ZNG1F: variants seen among roughly 807,000 people sequenced by gnomAD.
ZNG1F encodes zinc-regulated GTPase metalloprotein activator 1F.
At chr9:41,154,699 C>T in the ZNG1F span, among the ~76,000 whole-genome samples, 27 of 148,940 alleles carry the variant, frequency 1.8e-4, 2 homozygotes, top group Admixed American at 4.8e-4. Flanking sequence ...GAAATAATGC[C>T]GCATATCTAC....
the ZNG1F span, chr9:41,183,521 A>C: frequency 6.6e-7 from 1 of 1,520,202 alleles, no homozygotes; most frequent in Non-Finnish European, 8.9e-7. Context: ...ATAATCAATA[A>C]ACATTTCTAG....
the ZNG1F span, among the ~76,000 whole-genome samples, chr9:41,193,429 G>A: frequency 7.1e-6 from 1 of 140,816 alleles, no homozygotes; most frequent in African/African-American, 2.6e-5. Flanking sequence ...AAACCAAAAT[G>A]GAGTCGCTCA....
chr9:41,201,278 T>C, the ZNG1F span, among the ~76,000 whole-genome samples: 1 of 143,930 alleles, frequency 6.9e-6, no homozygotes, highest in Admixed American at 7.2e-5. Flanking sequence ...TATATATATA[T>C]ATGTATGCTG....
At chr9:41,201,212 T>C in the ZNG1F span, among the ~76,000 whole-genome samples, 2 of 147,604 alleles carry the variant, frequency 1.4e-5, no homozygotes, top group African/African-American at 5.0e-5. Context: ...AAAAACATGC[T>C]TGTATGTGCA....
chr9:41,154,614 G>C, the ZNG1F span, among the ~76,000 whole-genome samples: 3 of 145,738 alleles, frequency 2.1e-5, no homozygotes, highest in African/African-American at 5.1e-5. Flanking sequence ...ATACTACAAG[G>C]CTACAGTCAC....
At chr9:41,205,521 C>G in the ZNG1F span, among the ~76,000 whole-genome samples, 31 of 112,892 alleles carry the variant, frequency 2.7e-4, no homozygotes, top group Non-Finnish European at 4.7e-4. Flanking sequence ...CAGAATGAGG[C>G]GGTGAGAGTG....
chr9:41,183,686 A>G, the ZNG1F span: 1 of 1,606,478 alleles, frequency 6.2e-7, no homozygotes. Context: ...AACAATAAAT[A>G]AACAAACTCT....
chr9:41,134,280 A>C, the ZNG1F span, among the ~76,000 whole-genome samples: 1 of 133,702 alleles, frequency 7.5e-6, no homozygotes. Context: ...AAAAAAATAC[A>C]AAAGAAAGGC....
At chr9:41,199,793 A>G in the ZNG1F span, among the ~76,000 whole-genome samples, 53 of 152,168 alleles carry the variant, frequency 3.5e-4, no homozygotes, top group African/African-American at 1.2e-3. Flanking sequence ...CCAAACCTCA[A>G]TTCTTGACTT....
chr9:41,140,459 T>TA, the ZNG1F span, among the ~76,000 whole-genome samples: 1 of 20,900 alleles, frequency 4.8e-5, no homozygotes, highest in African/African-American at 9.9e-5. Context: ...TACTCTATTT[T>TA]AAAACTATTT....
chr9:41,139,561 C>A, the ZNG1F span, among the ~76,000 whole-genome samples: 3 of 149,848 alleles, frequency 2.0e-5, no homozygotes, highest in African/African-American at 7.4e-5. Flanking sequence ...GATATTTAAT[C>A]TCCACTGTTA....
chr9:41,141,291 T>C, the ZNG1F span, among the ~76,000 whole-genome samples: 6 of 150,420 alleles, frequency 4.0e-5, no homozygotes, highest in Non-Finnish European at 7.4e-5. Flanking sequence ...AAACTAAACA[T>C]TATTTGTCAC....
At chr9:41,150,337 C>G in the ZNG1F span, among the ~76,000 whole-genome samples, 57 of 150,562 alleles carry the variant, frequency 3.8e-4, 1 homozygote, top group African/African-American at 1.3e-3. Context: ...CACGGAGTCT[C>G]GCGGATTGCT....
the ZNG1F span, chr9:41,145,895 T>C: frequency 8.5e-5 from 10 of 118,288 alleles, no homozygotes; most frequent in Admixed American, 9.7e-4. Context: ...ATTGTTCTGA[T>C]ATGAAAAGCA....
chr9:41,134,134 A>C, the ZNG1F span: 1 of 202,228 alleles, frequency 4.9e-6, no homozygotes, highest in South Asian at 8.5e-5. Flanking sequence ...GTATCTTTTG[A>C]CTTACTCTTC....
chr9:41,166,216 G>A, the ZNG1F span, among the ~76,000 whole-genome samples: 1 of 127,108 alleles, frequency 7.9e-6, no homozygotes, highest in Non-Finnish European at 1.6e-5. Context: ...TGGCCAACAT[G>A]GTGAAACCCC....
At chr9:41,150,301 G>A in the ZNG1F span, among the ~76,000 whole-genome samples, 3 of 150,618 alleles carry the variant, frequency 2.0e-5, no homozygotes, top group African/African-American at 7.3e-5. Flanking sequence ...ATTGTGTCCC[G>A]CACCTGGCTC....
chr9:41,152,355 G>A, the ZNG1F span, among the ~76,000 whole-genome samples: 3 of 149,604 alleles, frequency 2.0e-5, no homozygotes, highest in African/African-American at 7.4e-5. Flanking sequence ...CATAAAGCAA[G>A]TCCTTAGAGA....
chr9:41,150,319 C>T, the ZNG1F span, among the ~76,000 whole-genome samples: 2 of 150,724 alleles, frequency 1.3e-5, no homozygotes, highest in South Asian at 4.2e-4. Context: ...CTCGGAGGGT[C>T]CCACGCCCAC....
Sources: gnomAD v4.1 joint callset for allele counts (sites outside exome capture counted in the v4.1 genomes callset) on GRCh38, gnomAD v4.1.1 for gene constraint, MANE v1.5 for transcripts, NCBI Gene and HGNC (gene_info 2026-07-23, HGNC 2026-07-21) for gene names.